The following DLGAP1 variants were observed in gnomAD, a reference collection of about 807,000 sequenced individuals.
DLGAP1 encodes the protein DLG associated protein 1.
In DLGAP1, 11 loss-of-function variants were observed where a neutral mutation model predicts 90.8. That is an observed-to-expected ratio of 0.12 (90% CI 0.08 to 0.20). The LOEUF is 0.20. DLGAP1 is among the 10% of genes least tolerant of loss of function. The pLI is 1.00. For missense variants in DLGAP1, 1,050 were observed against 1,333.8 expected (o/e 0.79, Z 3.31); for synonymous variants, 558 against 540.7 (o/e 1.03, Z -0.44).
intron 1 of DLGAP1, among the ~76,000 whole-genome samples, chr18:4,255,508 A>ATATAT (rs1555772770): frequency 7.8e-6 from 1 of 128,326 alleles, no homozygotes; most frequent in African/African-American, 4.8e-5. Context: ...GATGAAAAAA[A>ATATAT]AAATATATAT....
At chr18:3,870,598 A>G (rs2070684584) in intron 4 of DLGAP1, among the ~76,000 whole-genome samples, 1 of 148,428 alleles carries the variant, frequency 6.7e-6, no homozygotes, top group Non-Finnish European at 1.5e-5. Flanking sequence ...TATTTTATAC[A>G]TAAATACATC....
intron 1 of DLGAP1, among the ~76,000 whole-genome samples, chr18:4,325,213 C>T (rs2080789746): frequency 6.6e-6 from 1 of 151,960 alleles, no homozygotes; most frequent in Admixed American, 6.6e-5. Context: ...TCCTATACAC[C>T]AACAGCCAAG....
chr18:3,880,338 C>T (rs2071123515), intron 3 of DLGAP1, among the ~76,000 whole-genome samples, 198 bp from the exon 4 acceptor site: 1 of 152,020 alleles, frequency 6.6e-6, no homozygotes, highest in Non-Finnish European at 1.5e-5. Context: ...CAGGCCCCAC[C>T]ACGCTTGGCT....
At chr18:4,312,211 C>T (rs188978690) in intron 1 of DLGAP1, among the ~76,000 whole-genome samples, 91 of 152,286 alleles carry the variant, frequency 6.0e-4, no homozygotes, top group Non-Finnish European at 8.1e-4. Flanking sequence ...GAGTTTGCCA[C>T]GTACTGTTCT....
rs1326302170 is a variant in DLGAP1 at position 3,764,417 on chromosome 18, T to C, written c.1173-21905A>G. ...CCAAAAAGCTGTTTAACCAACTACATATGTTCCTATTGCCCAGGCCTCGTT... is the reference window on the plus strand; with the variant it reads ...CCAAAAAGCTGTTTAACCAACTACACATGTTCCTATTGCCCAGGCCTCGTT... On this transcript the variant is annotated intron_variant, in intron 5 of 12. Transcript: ENST00000315677. Among the ~76,000 whole-genome samples the C allele has an allele frequency of 2.1e-5, 3 of 142,754 alleles. No homozygotes were observed. The East Asian group carries it at 6.4e-4, about 30-fold the overall frequency. The allele number at this position is 142,754 out of a possible 152,430, so 93.7% of individuals were successfully genotyped here.
chr18:4,252,122 G>A (rs866218450), intron 1 of DLGAP1, among the ~76,000 whole-genome samples: 1 of 152,196 alleles, frequency 6.6e-6, no homozygotes, highest in African/African-American at 2.4e-5. Flanking sequence ...TGACCTTCAG[G>A]GAGTTGGCCC....
intron 5 of DLGAP1, among the ~76,000 whole-genome samples, chr18:3,809,153 C>G (rs1448221248): frequency 1.3e-5 from 2 of 152,012 alleles, no homozygotes; most frequent in Non-Finnish European, 2.9e-5. Context: ...TTCAGGGGCT[C>G]AGTCTGTTCT....
At chr18:3,675,765 C>T (rs887887517) in intron 7 of DLGAP1, among the ~76,000 whole-genome samples, 2 of 152,216 alleles carry the variant, frequency 1.3e-5, no homozygotes, top group African/African-American at 2.4e-5. Context: ...TGTTTAACAA[C>T]AGGCTCTCTG....
intron 3 of DLGAP1, among the ~76,000 whole-genome samples, chr18:3,924,910 T>G (rs2072346846): frequency 6.6e-6 from 1 of 152,186 alleles, no homozygotes; most frequent in Non-Finnish European, 1.5e-5. Context: ...ACATCATCCA[T>G]GAGTAAAGTG....
intron 1 of DLGAP1, among the ~76,000 whole-genome samples, chr18:4,306,233 C>G (rs8098157): frequency 9.2e-5 from 14 of 152,102 alleles, no homozygotes; most frequent in African/African-American, 3.4e-4. Context: ...TAAGTTGATT[C>G]ACATGTCAGA....
intron 3 of DLGAP1, among the ~76,000 whole-genome samples, chr18:3,914,490 A>G (rs1429663423): frequency 6.6e-6 from 1 of 152,176 alleles, no homozygotes; most frequent in Non-Finnish European, 1.5e-5. Context: ...CTTGTGAATA[A>G]CCCTGCAGTG....
chr18:3,717,832 A>T (rs2147298001), intron 7 of DLGAP1, among the ~76,000 whole-genome samples: 1 of 152,340 alleles, frequency 6.6e-6, no homozygotes, highest in East Asian at 1.9e-4. Flanking sequence ...CTGCAAAGCT[A>T]CAAAGTGACT....
intron 7 of DLGAP1, among the ~76,000 whole-genome samples, chr18:3,631,879 G>C (rs1395675816): frequency 2.0e-5 from 3 of 152,144 alleles, no homozygotes; most frequent in Non-Finnish European, 4.4e-5. Context: ...GACCTCCCAG[G>C]CTCAAGCGAT....
chr18:3,677,034 C>T (rs543173033), intron 7 of DLGAP1, among the ~76,000 whole-genome samples: 6 of 152,156 alleles, frequency 3.9e-5, no homozygotes, highest in Admixed American at 3.9e-4. Flanking sequence ...CTACTAACTT[C>T]CAGGATATTC....
At chr18:3,601,169 C>T (rs1487900981) in intron 7 of DLGAP1, among the ~76,000 whole-genome samples, 1 of 151,830 alleles carries the variant, frequency 6.6e-6, no homozygotes, top group Middle Eastern at 3.2e-3. Flanking sequence ...TCACTGCAAC[C>T]TCCACTTCCC....
In DLGAP1 at chr18:3,656,247, T is replaced by C. The variant is rs547518106; in HGVS notation, c.1591+72888A>G. On this transcript the variant is annotated intron_variant, in intron 7 of 12. Transcript: ENST00000315677. ...CATTGCAAGAACGTAACTAAACAAA[T>C]ATCAACTTCAAAAATAAAATAATTT... The C allele has an allele frequency of 4.8e-6, 3 of 628,556 alleles. No individual in the cohort carries two copies. The African/African-American group carries it at 5.6e-5, about 12-fold the overall frequency. The allele number at this position is 628,556 out of a possible 1,614,324, so 38.9% of individuals were successfully genotyped here.
intron 3 of DLGAP1, among the ~76,000 whole-genome samples, chr18:3,913,286 C>T (rs1319832650): frequency 6.6e-6 from 1 of 151,964 alleles, no homozygotes; most frequent in Non-Finnish European, 1.5e-5. Flanking sequence ...TTGAGGGGGT[C>T]TCACTTTGTT....
At chr18:3,823,213 G>A (rs1294615249) in intron 4 of DLGAP1, among the ~76,000 whole-genome samples, 1 of 152,106 alleles carries the variant, frequency 6.6e-6, no homozygotes, top group Non-Finnish European at 1.5e-5. Flanking sequence ...CACACTTCCT[G>A]GCTTCATTGC....
intron 1 of DLGAP1, among the ~76,000 whole-genome samples, chr18:4,388,251 C>G (rs1373917217): frequency 1.3e-5 from 2 of 151,880 alleles, no homozygotes; most frequent in Non-Finnish European, 2.9e-5. Context: ...AGGGGAAACT[C>G]AAGAATGACA....
Sources: allele counts gnomAD v4.1 joint callset (sites outside exome capture counted in the v4.1 genomes callset), GRCh38; gene constraint gnomAD v4.1.1; transcripts MANE v1.5; gene names NCBI Gene and HGNC (gene_info 2026-07-23, HGNC 2026-07-21).